The following R3HDM1 variants were observed in gnomAD, a reference collection of about 807,000 sequenced individuals.
The protein encoded by R3HDM1 is R3H domain-containing protein 1.
R3HDM1 carries 46 observed loss-of-function variants against 141.1 expected under a neutral mutation model. The observed-to-expected ratio is 0.33, with a 90% CI of 0.26 to 0.42. The LOEUF (loss-of-function observed/expected upper bound fraction) is 0.42, where lower values mean the gene tolerates loss of function less well. Ranked by LOEUF, R3HDM1 falls within the 10% of genes least tolerant of loss-of-function variation. The pLI is 1.00. For synonymous variants in R3HDM1, 435 were observed against 472.9 expected, an observed-to-expected ratio of 0.92 and a Z score of 1.04; for missense variants, 1,184 against 1,368.3, an observed-to-expected ratio of 0.87 and a Z score of 2.12.
At chr2:135,626,053 T>C (rs2061986780) in intron 7 of R3HDM1, among the ~76,000 whole-genome samples, 1 of 152,218 alleles carries the variant, frequency 6.6e-6, no homozygotes, top group African/African-American at 2.4e-5. Context: ...GACTTGGAAC[T>C]GGTGTCTGAA....
At chr2:135,546,927 C>T (rs1698814968) in intron 1 of R3HDM1, among the ~76,000 whole-genome samples, 1 of 152,126 alleles carries the variant, frequency 6.6e-6, no homozygotes, top group Admixed American at 6.5e-5. Context: ...CTGCCTTAGC[C>T]TCCCAAAATG....
At chr2:135,591,852 A>G (rs1709351719) in intron 1 of R3HDM1, among the ~76,000 whole-genome samples, 1 of 152,214 alleles carries the variant, frequency 6.6e-6, no homozygotes, top group Non-Finnish European at 1.5e-5. Context: ...GGAAAGACAC[A>G]CAGGGTAAGG....
chr2:135,641,652 A>G lies in R3HDM1; in HGVS notation c.1336A>G (p.Thr446Ala), dbSNP rs771356610. 6.2e-6 allele frequency: 10 copies of G among 1,614,006 alleles called. No individual in the cohort carries two copies. The highest frequency in any genetic ancestry group is 7.6e-6 in the Non-Finnish European group (9 of 1,180,036). ...SSHGAPVVYP[T>A]VSTHSSLSFD... is the part of the protein sequence containing the mutation. ...TCATGGCGCACCTGTCGTCTATCCA[A>G]CTGTCAGCACTCATAGTTCTCTTTC... The change falls in exon 15 of 27, where the codon ACT (threonine) becomes GCT (alanine). Residue 446 changes from threonine to alanine, a missense_variant. Transcript: ENST00000683871.
chr2:135,651,874 C>G lies in R3HDM1; in HGVS notation c.1870C>G (p.Pro624Ala). The change falls in exon 18 of 27, where the codon CCT becomes GCT. Residue 624 changes from proline (P) to alanine (A), a missense_variant. Transcript: ENST00000683871. Reference sequence around the variant, plus strand: ...GTCTGGTTATATCATGACAGCAGCCCCTCCACCACATCCTCCTCCACCGCC... The same window carrying G: ...GTCTGGTTATATCATGACAGCAGCCGCTCCACCACATCCTCCTCCACCGCC... ...QQSGYIMTAA[P>A]PPHPPPPPPP... The G allele has an allele frequency of 6.2e-7, 1 of 1,613,980 alleles. No individual in the cohort carries two copies. The highest frequency in any genetic ancestry group is 8.5e-7 in the Non-Finnish European group (1 of 1,179,980).
At chr2:135,713,409 G>A (rs976869534) in intron 23 of R3HDM1, among the ~76,000 whole-genome samples, 77 of 152,186 alleles carry the variant, frequency 5.1e-4, no homozygotes, top group Non-Finnish European at 1.8e-4. Context: ...AATTGGTACA[G>A]CTCTTTGGAA....
At chr2:135,690,011 A>G (rs2072058596) in intron 21 of R3HDM1, among the ~76,000 whole-genome samples, 1 of 152,200 alleles carries the variant, frequency 6.6e-6, no homozygotes, top group African/African-American at 2.4e-5. Context: ...AGGAACTTGA[A>G]AAGACTATAG....
rs377516012 is a variant in R3HDM1 at position 135,636,084 on chromosome 2, G to A, written c.808-4G>A. ...TTGCCTAAAAATTATCCTCTTTTCT[G>A]TAGATGAGAATACGTTTGAAAGATG... On this transcript the variant is annotated splice_region_variant and splice_polypyrimidine_tract_variant and intron_variant, in intron 10 of 26. Coordinates refer to ENST00000683871, the MANE Select transcript of R3HDM1 (RefSeq NM_001378107.1). The A allele has an allele frequency of 4.0e-5, 64 of 1,612,442 alleles. No homozygotes were observed. Among genetic ancestry groups the A allele is most frequent in the Non-Finnish European group, 5.2e-5 (61 of 1,179,336 alleles).
intron 21 of R3HDM1, among the ~76,000 whole-genome samples, chr2:135,696,627 G>A (rs939422717): frequency 3.3e-5 from 5 of 151,952 alleles, no homozygotes; most frequent in Admixed American, 6.6e-5. Context: ...AAGTAGCTGG[G>A]ACTACAGGTG....
chr2:135,634,167 T>G (rs948490026), intron 9 of R3HDM1, among the ~76,000 whole-genome samples: 2 of 152,208 alleles, frequency 1.3e-5, no homozygotes, highest in Admixed American at 1.3e-4. Context: ...CTTTTACTTC[T>G]TACATATATT....
In R3HDM1 at chr2:135,635,967, A is replaced by G. The variant is rs1338587015; in HGVS notation, c.776A>G (p.Asp259Gly). ...CAGAAACGTTATATCCTCAAGAGAG[A>G]TAACTCTAGCTTTGACAAAGATGAT... ...DFQKRYILKR[D>G]NSSFDKDDNQ... The change falls in exon 10 of 27, where the codon GAT (aspartate) becomes GGT (glycine). Residue 259 changes from aspartate to glycine, a missense_variant. Coordinates refer to ENST00000683871, the MANE Select transcript of R3HDM1 (RefSeq NM_001378107.1). The G allele has an allele frequency of 2.5e-6, 4 of 1,611,982 alleles. No individual in the cohort carries two copies. Among genetic ancestry groups the G allele is most frequent in the African/African-American group, 1.3e-5 (1 of 74,776 alleles).
chr2:135,675,259 G>C, intron 19 of R3HDM1, 73 bp from the exon 20 acceptor site: 1 of 1,392,808 alleles, frequency 7.2e-7, no homozygotes, highest in South Asian at 1.6e-5. Flanking sequence ...AAAAGTACTC[G>C]CTTAAATTTT....
intron 14 of R3HDM1, among the ~76,000 whole-genome samples, chr2:135,640,656 G>C (rs1215140431): frequency 6.6e-6 from 1 of 152,154 alleles, no homozygotes; most frequent in East Asian, 1.9e-4. Context: ...AATCTGTATA[G>C]TGTATCATAG....
At chr2:135,693,598 A>C (rs1357182558) in intron 21 of R3HDM1, among the ~76,000 whole-genome samples, 1 of 152,260 alleles carries the variant, frequency 6.6e-6, no homozygotes, top group Non-Finnish European at 1.5e-5. Flanking sequence ...TCTTAAGAAA[A>C]AAATAACAAG....
At chr2:135,631,142 T>A (rs376396272) in intron 7 of R3HDM1, among the ~76,000 whole-genome samples, 2 of 152,258 alleles carry the variant, frequency 1.3e-5, no homozygotes, top group African/African-American at 4.8e-5. Context: ...CCCATCTACA[T>A]ACTAGTATTA....
At chr2:135,716,113 G>A (rs1307468568) in intron 24 of R3HDM1, among the ~76,000 whole-genome samples, 1 of 151,986 alleles carries the variant, frequency 6.6e-6, no homozygotes, top group Non-Finnish European at 1.5e-5. Flanking sequence ...GATCACTTGA[G>A]GCCACTCAAG....
chr2:135,591,849 C>T (rs1451050954), intron 1 of R3HDM1, among the ~76,000 whole-genome samples: 1 of 152,208 alleles, frequency 6.6e-6, no homozygotes, highest in Non-Finnish European at 1.5e-5. Flanking sequence ...AAAGGAAAGA[C>T]ACACAGGGTA....
chr2:135,700,522 G>A (rs1473356727), intron 21 of R3HDM1, among the ~76,000 whole-genome samples: 1 of 152,198 alleles, frequency 6.6e-6, no homozygotes, highest in Non-Finnish European at 1.5e-5. Flanking sequence ...ACAATAAGAT[G>A]TAGGGTGGTT....
chr2:135,547,066 G>A (rs982762571), intron 1 of R3HDM1, among the ~76,000 whole-genome samples: 9 of 152,134 alleles, frequency 5.9e-5, no homozygotes, highest in African/African-American at 1.7e-4. Context: ...GTTTTGTCTC[G>A]AGTAATTTTG....
intron 22 of R3HDM1, 61 bp from the exon 23 acceptor site, chr2:135,709,998 C>T (rs1367693267): frequency 6.6e-7 from 1 of 1,504,502 alleles, no homozygotes; most frequent in Non-Finnish European, 9.1e-7. Context: ...TCCTAGTGTT[C>T]AGAAACACCA....
Sources: allele counts gnomAD v4.1 joint callset (sites outside exome capture counted in the v4.1 genomes callset), GRCh38; gene constraint gnomAD v4.1.1; transcripts MANE v1.5; gene names NCBI Gene and HGNC (gene_info 2026-07-23, HGNC 2026-07-21).